The following ASAH2 variants were observed in gnomAD, a reference collection of about 807,000 sequenced individuals.
ASAH2 encodes N-acylsphingosine amidohydrolase 2.
Under a neutral mutation model 82.9 loss-of-function variants are expected in ASAH2, and 58 were observed. The observed-to-expected ratio is 0.70, with a 90% confidence interval of 0.57 to 0.87. The LOEUF is 0.87. Among genes scored for constraint, ASAH2 ranks in the 40% least tolerant of loss-of-function variants. The pLI, the probability that ASAH2 is intolerant of heterozygous loss-of-function variation, is 0.00. For synonymous variants in ASAH2, 276 were observed against 289.7 expected, an observed-to-expected ratio of 0.95 and a Z score of 0.48; for missense variants, 779 against 834.0, an observed-to-expected ratio of 0.93 and a Z score of 0.81.
At position 50,187,084 on chromosome 10, in the gene ASAH2, CCTCTCT is replaced by C. The variant is rs1554902359; in HGVS notation, c.*225_*230del. On this transcript the variant is annotated 3_prime_UTR_variant, in exon 21 of 21. Transcript: ENST00000682911. Reference sequence around the variant, plus strand: ...GCTGGAGCAAGATATATGGGACAAACCTCTCTCTCTCTCTCTCTCTCTCTCTCTCTC... The same window carrying C: ...GCTGGAGCAAGATATATGGGACAAACCTCTCTCTCTCTCTCTCTCTCTCTC... 23 of 183,492 alleles carry C rather than the reference CCTCTCT, an allele frequency of 1.3e-4. No homozygotes were observed. Among genetic ancestry groups the C allele is most frequent in the African/African-American group, 3.6e-4 (8 of 22,286 alleles). 11.4% of individuals were successfully genotyped at this position (183,492 alleles called of 1,614,324 possible). A position where few individuals can be genotyped will look rare whatever the true frequency, so the allele number is the denominator to read the frequency against.
chr10:50,216,511 C>A (rs1845605943), intron 8 of ASAH2, among the ~76,000 whole-genome samples: 1 of 152,162 alleles, frequency 6.6e-6, no homozygotes, highest in South Asian at 2.1e-4. Flanking sequence ...GCTGACCAGT[C>A]AATCTAGTCT....
chr10:50,224,357 A>G (rs1845824007), intron 7 of ASAH2, among the ~76,000 whole-genome samples: 1 of 152,136 alleles, frequency 6.6e-6, no homozygotes, highest in Non-Finnish European at 1.5e-5. Context: ...AAAGAGATAC[A>G]AAGCTCTGAG....
chr10:50,234,702 C>T (rs1846109917), intron 5 of ASAH2, 150 bp from the exon 6 acceptor site: 3 of 1,121,254 alleles, frequency 2.7e-6, no homozygotes, highest in Non-Finnish European at 4.0e-6. Context: ...AACCACATCG[C>T]TGTTGACAAT....
intron 13 of ASAH2, 44 bp from the exon 14 acceptor site, chr10:50,204,999 CTCTATGGTCAACAGACA>C (rs1845258439): frequency 2.2e-6 from 3 of 1,368,414 alleles, no homozygotes; most frequent in Non-Finnish European, 3.0e-6. Flanking sequence ...ATAACACTCT[CTCTATGGTCAACAGACA>C]TATAGTGGTC....
chr10:50,202,320 C>A (rs1845170490), intron 16 of ASAH2, among the ~76,000 whole-genome samples: 1 of 152,026 alleles, frequency 6.6e-6, no homozygotes, highest in African/African-American at 2.4e-5. Flanking sequence ...TATTTATAAA[C>A]AATGAAATAT....
intron 16 of ASAH2, among the ~76,000 whole-genome samples, chr10:50,202,177 G>T (rs1845166260): frequency 6.6e-6 from 1 of 152,044 alleles, no homozygotes; most frequent in Admixed American, 6.6e-5. Flanking sequence ...TATTTACCAA[G>T]GGGTAGACTG....
intron 20 of ASAH2, among the ~76,000 whole-genome samples, chr10:50,187,895 G>A (rs1216003538): frequency 1.6e-4 from 3 of 18,700 alleles, no homozygotes; most frequent in Non-Finnish European, 2.3e-3. Flanking sequence ...ATGTGTGTGT[G>A]TATATATATA....
chr10:50,222,194 A>C lies in ASAH2; in HGVS notation c.894-3564T>G, dbSNP rs1384089927. On this transcript the variant is annotated intron_variant, in intron 7 of 20. Coordinates refer to ENST00000682911, the MANE Select transcript of ASAH2 (RefSeq NM_019893.4). Reference sequence around the variant, plus strand: ...AGAGGAATCAGATGCATTTCCTACCATCAAGGACCTTGCACAATTGGCCAC... The same window carrying C: ...AGAGGAATCAGATGCATTTCCTACCCTCAAGGACCTTGCACAATTGGCCAC... Among the ~76,000 whole-genome samples, 4 of 152,142 alleles carry C rather than the reference A, an allele frequency of 2.6e-5. No homozygotes were observed. In the South Asian group the frequency reaches 8.3e-4, roughly 31 times the overall value.
chr10:50,243,234 T>C lies in ASAH2; in HGVS notation c.478A>G (p.Ile160Val), dbSNP rs769153140. The C allele has an allele frequency of 1.9e-6, 3 of 1,614,142 alleles. No homozygotes were observed. The change falls in exon 4 of 21, where the codon ATA becomes GTA. Residue 160 changes from isoleucine (I) to valine (V), a missense_variant. Coordinates refer to ENST00000682911, the MANE Select transcript of ASAH2 (RefSeq NM_019893.4). Reference sequence around the variant, plus strand: ...CTGAGCCTTTGTGATACCATGCCTATGTCGATGCTGACAAACACTGTTCGA... The same window carrying C: ...CTGAGCCTTTGTGATACCATGCCTACGTCGATGCTGACAAACACTGTTCGA... ...SNRTVFVSID[I>V]GMVSQRLRLE...
intron 7 of ASAH2, among the ~76,000 whole-genome samples, chr10:50,225,187 C>A (rs1845847828): frequency 6.6e-6 from 1 of 152,126 alleles, no homozygotes; most frequent in East Asian, 1.9e-4. Context: ...TTAGTCCCAG[C>A]ACTTTGGGAG....
intron 18 of ASAH2, among the ~76,000 whole-genome samples, chr10:50,196,155 AATAT>A (rs1353871051): frequency 8.6e-5 from 13 of 151,920 alleles, no homozygotes; most frequent in Non-Finnish European, 7.4e-5. Flanking sequence ...GTACACAGTA[AATAT>A]ATATAATTTT....
In ASAH2 at chr10:50,245,230, T is replaced by A; in HGVS notation, c.352A>T (p.Ile118Phe). ...GCCCATTGTCTACTTGCCAAATTGATATCTGCTACTTGTCCTGTGCAGTCA... is the reference window on the plus strand; with the variant it reads ...GCCCATTGTCTACTTGCCAAATTGAAATCTGCTACTTGTCCTGTGCAGTCA... ...RADCTGQVAD[I>F]NLMGYGKSGQ... The change falls in exon 3 of 21, where the codon ATC becomes TTC. Residue 118 changes from isoleucine (I) to phenylalanine (F), a missense_variant. This residue lies in a region of ASAH2 where 759 missense variants were observed against 755.2 expected (regional missense o/e 1.00). Coordinates refer to ENST00000682911, the MANE Select transcript of ASAH2 (RefSeq NM_019893.4). 6.2e-7 allele frequency: 1 copy of A among 1,613,352 alleles called. No homozygotes were observed. Among genetic ancestry groups the A allele is most frequent in the Non-Finnish European group, 8.5e-7 (1 of 1,179,270 alleles).
In ASAH2 at chr10:50,234,430, T is replaced by C; in HGVS notation, c.810A>G (p.Arg270=). 3 of 1,613,056 alleles carry C rather than the reference T, an allele frequency of 1.9e-6. No individual in the cohort carries two copies. The East Asian group carries it at 6.7e-5, about 36-fold the overall frequency. Residue 270 remains arginine (R), a synonymous_variant, in exon 6 of 21, where the codon AGA becomes AGG. Coordinates refer to ENST00000682911, the MANE Select transcript of ASAH2 (RefSeq NM_019893.4). Reference sequence around the variant, plus strand: ...TTTTGACGATTCCTCCTCACCTTGCTCTCTCTGACTGCGGATTTTGAAGGT... The same window carrying C: ...TTTTGACGATTCCTCCTCACCTTGCCCTCTCTGACTGCGGATTTTGAAGGT... The part of the protein sequence containing the change: ...YSYLQNPQSE[R]ARYSSNTDKE...
In ASAH2 at chr10:50,197,211, C is replaced by T. The variant is rs1460091955; in HGVS notation, c.1858-292G>A. On this transcript the variant is annotated intron_variant, in intron 17 of 20. Transcript: ENST00000682911. The stretch of plus-strand genomic sequence containing the variant: ...GAGTACAAGGTTGGAAGCATACTTT[C>T]AAATTGTCTGACTTTGTACAGGGGC... 2.6e-5 allele frequency among the ~76,000 whole-genome samples: 4 copies of T among 151,872 alleles called. No individual in the cohort carries two copies. The East Asian group carries it at 5.9e-4, about 22-fold the overall frequency.
intron 16 of ASAH2, among the ~76,000 whole-genome samples, chr10:50,201,657 G>T (rs1050360119): frequency 3.1e-3 from 469 of 152,158 alleles, no homozygotes; most frequent in Middle Eastern, 6.8e-3. Context: ...GACTCCTTTG[G>T]CAGCATGTTG....
At chr10:50,237,158 G>C (rs1413975658) in intron 4 of ASAH2, among the ~76,000 whole-genome samples, 1 of 152,108 alleles carries the variant, frequency 6.6e-6, no homozygotes, top group Admixed American at 6.6e-5. Flanking sequence ...AAACTGCAAA[G>C]GTTTTAAGCT....
At position 50,209,330 on chromosome 10, in the gene ASAH2, T is replaced by A. The variant is rs1030157266; in HGVS notation, c.1414+1493A>T. Among the ~76,000 whole-genome samples the A allele has an allele frequency of 8.6e-5, 13 of 151,982 alleles. No homozygotes were observed. The East Asian group carries it at 2.5e-3, about 29-fold the overall frequency. On this transcript the variant is annotated intron_variant, in intron 12 of 20. Coordinates refer to ENST00000682911, the MANE Select transcript of ASAH2 (RefSeq NM_019893.4). ...GCTTCAAATGATACAATCAATAAAG[T>A]GAAAAAACCTACAGAATGGAAGAAA...
intron 10 of ASAH2, among the ~76,000 whole-genome samples, chr10:50,212,117 A>G (rs1300203776): frequency 8.6e-5 from 13 of 151,836 alleles, no homozygotes; most frequent in Admixed American, 8.5e-4. Context: ...TTGTTCTTTA[A>G]AGGTGCTTTT....
At chr10:50,213,653 C>T (rs1172441934) in intron 9 of ASAH2, among the ~76,000 whole-genome samples, 1 of 151,974 alleles carries the variant, frequency 6.6e-6, no homozygotes, top group Admixed American at 6.6e-5. Context: ...TGAAAGTTAT[C>T]TAGAACAAGC....
Sources: gnomAD v4.1 joint callset for allele counts (sites outside exome capture counted in the v4.1 genomes callset) on GRCh38, gnomAD v4.1.1 for gene constraint, gnomAD v4.1.1 regional missense constraint, MANE v1.5 for transcripts, NCBI Gene and HGNC (gene_info 2026-07-23, HGNC 2026-07-21) for gene names.